PLPBP: variants seen among roughly 807,000 people sequenced by gnomAD.
PLPBP encodes pyridoxal phosphate binding protein.
A neutral mutation model predicts 31.2 loss-of-function variants in PLPBP; 21 were observed. The ratio of observed to expected loss-of-function variants is 0.67; its 90% CI spans 0.48 to 0.97. The LOEUF is 0.97. Ranked by LOEUF, PLPBP falls within the 50% of genes least tolerant of loss-of-function variation. The pLI, the probability that PLPBP is intolerant of heterozygous loss-of-function variation, is 0.00. For synonymous variants in PLPBP, 124 were observed against 135.6 expected (o/e 0.91, Z 0.59); for missense variants, 308 against 354.4 (o/e 0.87, Z 1.05).
rs1023117176 is a variant in PLPBP, at chr8:37,762,883, A to C, written c.99+125A>C. On this transcript the variant is annotated intron_variant, in intron 1 of 7. Transcript: ENST00000328195. ...GAGAGGCGGGACTGGTCGGCCGCCT[A>C]GGGCCACCGAAAGGCTAGCGAAGGG... 3 of 1,232,216 alleles carry C rather than the reference A, an allele frequency of 2.4e-6. No individual in the cohort carries two copies. In the African/African-American group the frequency reaches 4.6e-5, roughly 19 times the overall value. 76.3% of individuals were successfully genotyped at this position (1,232,216 alleles called of 1,614,324 possible). A position where few individuals can be genotyped will look rare whatever the true frequency, so the allele number is the denominator to read the frequency against.
At chr8:37,769,664 T>C in intron 4 of PLPBP, among the ~76,000 whole-genome samples, 1 of 152,168 alleles carries the variant, frequency 6.6e-6, no homozygotes, top group South Asian at 2.1e-4. Context: ...ACTGCTAAGA[T>C]CCAGTGTTTT....
At position 37,778,006 on chromosome 8, in the gene PLPBP, A is replaced by G; in HGVS notation, c.730A>G (p.Ser244Gly). Residue 244 changes from serine (S) to glycine (G), a missense_variant, in exon 8 of 8, where the codon AGC (serine) becomes GGC (glycine). Physicochemically the swap from Ser to Gly is moderately conservative, Grantham distance 56. This residue lies in a region of PLPBP where 188 missense variants were observed against 259.3 expected (regional missense o/e 0.73). Transcript: ENST00000328195. ...AGGATCTACAAATGTCCGAATAGGA[A>G]GCACGATTTTTGGAGAGCGGGATTA... ...EVGSTNVRIGSTIFGERDYSK... is the reference protein window; with the variant it reads ...EVGSTNVRIGGTIFGERDYSK... 1 of 1,613,614 alleles carries G rather than the reference A, an allele frequency of 6.2e-7. No individual in the cohort carries two copies. The highest frequency in any genetic ancestry group is 8.5e-7 in the Non-Finnish European group (1 of 1,179,602).
In PLPBP at chr8:37,762,753, C is replaced by T. The variant is rs765299164; in HGVS notation, c.94C>T (p.Pro32Ser). Residue 32 changes from proline to serine, a missense_variant, in exon 1 of 8, where the codon CCG (proline) becomes TCG (serine). Coordinates refer to ENST00000328195, the MANE Select transcript of PLPBP (RefSeq NM_007198.4). ...CGTGCAGCAGGCTGTGGCGCGGCGGCCGCGGGTGAGGAAGGAGGCTGCGTG... is the reference window on the plus strand; with the variant it reads ...CGTGCAGCAGGCTGTGGCGCGGCGGTCGCGGGTGAGGAAGGAGGCTGCGTG... ...ERVQQAVARR[P>S]RDLPAIQPRL... The T allele has an allele frequency of 4.0e-5, 62 of 1,563,280 alleles. No individual in the cohort carries two copies. Among genetic ancestry groups the T allele is most frequent in the Non-Finnish European group, 5.3e-5 (61 of 1,161,542 alleles).
At chr8:37,774,224 TA>T (rs1803846174) in intron 5 of PLPBP, among the ~76,000 whole-genome samples, 1 of 152,014 alleles carries the variant, frequency 6.6e-6, no homozygotes, top group Admixed American at 6.6e-5. Flanking sequence ...AAAAAATAAA[TA>T]AATAAAAAAT....
chr8:37,774,090 A>C (rs907101923), intron 5 of PLPBP, among the ~76,000 whole-genome samples: 1 of 152,124 alleles, frequency 6.6e-6, no homozygotes, highest in East Asian at 1.9e-4. Context: ...GTGCACCCAT[A>C]GCCCCAGCTG....
chr8:37,765,813 A>G, intron 3 of PLPBP, 67 bp downstream of exon 3: 3 of 1,554,514 alleles, frequency 1.9e-6, no homozygotes, highest in Non-Finnish European at 2.6e-6. Flanking sequence ...AATTAGACCC[A>G]TCCTGGTGGT....
At chr8:37,762,600 G>A, upstream of PLPBP, 1 of 1,530,318 alleles carries the variant, frequency 6.5e-7, no homozygotes, top group Non-Finnish European at 8.8e-7. Flanking sequence ...GGGCGGAACC[G>A]GAAGATGGTG....
In PLPBP at chr8:37,778,317, C is replaced by G; in HGVS notation, c.*213C>G. 1 of 418,676 alleles carries G rather than the reference C, an allele frequency of 2.4e-6. No homozygotes were observed. Among genetic ancestry groups the G allele is most frequent in the Non-Finnish European group, 4.3e-6 (1 of 234,360 alleles). 25.9% of individuals were successfully genotyped at this position (418,676 alleles called of 1,614,324 possible). A position where few individuals can be genotyped will look rare whatever the true frequency, so the allele number is the denominator to read the frequency against. On this transcript the variant is annotated 3_prime_UTR_variant, in exon 8 of 8. Transcript: ENST00000328195. Reference sequence around the variant, plus strand: ...AGTTTGAGAAATTCAAACATTTCTGCAGAACAGATACCAAATCAATAGCTA... The same window carrying G: ...AGTTTGAGAAATTCAAACATTTCTGGAGAACAGATACCAAATCAATAGCTA...
At position 37,762,815 on chromosome 8, in the gene PLPBP, T is replaced by TG. The variant is rs1370809607; in HGVS notation, c.99+58dup. ...CGGCCGCCTTGAGAAGAGGGACACC[T>TG]GCGTGGGAATGGGTCGTCACGGTGA... On this transcript the variant is annotated intron_variant, in intron 1 of 7. Coordinates refer to ENST00000328195, the MANE Select transcript of PLPBP (RefSeq NM_007198.4). 6.6e-6 allele frequency: 10 copies of TG among 1,516,518 alleles called. 1 individual carries two copies. The Middle Eastern group carries it at 1.4e-3, about 211-fold the overall frequency. 93.9% of individuals were successfully genotyped at this position (1,516,518 alleles called of 1,614,324 possible).
chr8:37,771,502 T>A (rs941269048), intron 4 of PLPBP, among the ~76,000 whole-genome samples: 1 of 151,448 alleles, frequency 6.6e-6, no homozygotes. Flanking sequence ...GACAGGCTGG[T>A]CTTGAACTCC....
chr8:37,778,181 C>A lies in PLPBP; in HGVS notation c.*77C>A, dbSNP rs1803969165. On this transcript the variant is annotated 3_prime_UTR_variant, in exon 8 of 8. Transcript: ENST00000328195. Reference sequence around the variant, plus strand: ...GATATTCCCTGTGTCCCAGCGCAGTCCTGCTCTCCTGTGACCTGTGGAGAG... The same window carrying A: ...GATATTCCCTGTGTCCCAGCGCAGTACTGCTCTCCTGTGACCTGTGGAGAG... 14 of 1,536,266 alleles carry A rather than the reference C, an allele frequency of 9.1e-6. No individual in the cohort carries two copies. Among genetic ancestry groups the A allele is most frequent in the Non-Finnish European group, 1.2e-5 (13 of 1,127,326 alleles).
chr8:37,764,071 CTTTT>C (rs111913973), intron 1 of PLPBP, among the ~76,000 whole-genome samples: 55 of 126,902 alleles, frequency 4.3e-4, no homozygotes, highest in African/African-American at 1.3e-3. Flanking sequence ...TCTTTTCTTT[CTTTT>C]TTTTTTTTTT....
intron 1 of PLPBP, 64 bp from the exon 2 acceptor site, chr8:37,765,462 C>T: frequency 6.9e-7 from 1 of 1,455,376 alleles, no homozygotes; most frequent in Non-Finnish European, 9.6e-7. Flanking sequence ...AGGATCTATC[C>T]TATGGGATTC....
intron 4 of PLPBP, among the ~76,000 whole-genome samples, chr8:37,768,921 A>G (rs1424602320): frequency 6.6e-6 from 1 of 152,224 alleles, no homozygotes; most frequent in Admixed American, 6.5e-5. Context: ...TGTAAATTCC[A>G]GCTAGATTAA....
intron 1 of PLPBP, 78 bp from the exon 2 acceptor site, chr8:37,765,448 C>CT (rs1803597679): frequency 4.4e-6 from 6 of 1,366,544 alleles, no homozygotes; most frequent in Non-Finnish European, 6.2e-6. Context: ...CCTGTCTATC[C>CT]TACAGGATCT....
At chr8:37,776,156 C>T (rs1803902938) in intron 7 of PLPBP, 140 bp downstream of exon 7, 1 of 741,490 alleles carries the variant, frequency 1.3e-6, no homozygotes. Flanking sequence ...TCAGCTATTC[C>T]AGCATCTCCC....
chr8:37,775,514 T>C (rs757491827), intron 6 of PLPBP, 33 bp downstream of exon 6: 1 of 1,612,316 alleles, frequency 6.2e-7, no homozygotes, highest in East Asian at 2.2e-5. Context: ...GCTCGTGTGC[T>C]AAAGAAGCAG....
At chr8:37,765,980 A>G (rs751831576) in intron 3 of PLPBP, among the ~76,000 whole-genome samples, 12 of 152,154 alleles carry the variant, frequency 7.9e-5, no homozygotes, top group Non-Finnish European at 1.6e-4. Context: ...TGGTGGTTTC[A>G]GGAGCTTGCT....
rs1248896048 is a variant in PLPBP, at chr8:37,772,820, TC to T, written c.387del (p.Trp130GlyfsTer10). Reference protein sequence around the residue: ...SVKLADKVNSSWQRKGSPERL... With the variant: ...SVKLADKVNSXWQRKGSPERL... Reference sequence around the variant, plus strand: ...GAAGTTGGCAGACAAAGTGAACAGTTCCTGGCAGAGAAAAGGTTCTCCTGAA... The same window carrying T: ...GAAGTTGGCAGACAAAGTGAACAGTTCTGGCAGAGAAAAGGTTCTCCTGAA... On this transcript the variant is annotated frameshift_variant, in exon 5 of 8. Coordinates refer to ENST00000328195, the MANE Select transcript of PLPBP (RefSeq NM_007198.4). LOFTEE classifies it high-confidence loss of function. 3 of 1,614,172 alleles carry T rather than the reference TC, an allele frequency of 1.9e-6. No homozygotes were observed. The highest frequency in any genetic ancestry group is 2.5e-6 in the Non-Finnish European group (3 of 1,180,022).
Sources: allele counts gnomAD v4.1 joint callset (sites outside exome capture counted in the v4.1 genomes callset), GRCh38; gene constraint gnomAD v4.1.1; regional missense constraint gnomAD v4.1.1; transcripts MANE v1.5; gene names NCBI Gene and HGNC (gene_info 2026-07-23, HGNC 2026-07-21).